Variants in SRSF6 observed in about 807,000 individuals in gnomAD.
SRSF6 encodes serine and arginine rich splicing factor 6.
Under a neutral mutation model 42.0 loss-of-function variants are expected in SRSF6, and 17 were observed. The observed-to-expected ratio is 0.40, with a 90% confidence interval of 0.28 to 0.61. SRSF6 has a LOEUF of 0.61. Among genes scored for constraint, SRSF6 ranks in the 20% least tolerant of loss-of-function variants. SRSF6 has a pLI of 0.37. For missense variants in SRSF6, 379 were observed against 471.4 expected, an observed-to-expected ratio of 0.80 and a Z score of 1.81; for synonymous variants, 204 against 166.7, an observed-to-expected ratio of 1.22 and a Z score of -1.72.
In SRSF6 at chr20:43,460,014, G is replaced by A. The variant is rs771943592; in HGVS notation, c.382-19G>A. ...TAGATGTTTTAAGATTTCCGAGTCTGACCAATCTTGTCTTTCAGGATTTTA... is the reference window on the plus strand; with the variant it reads ...TAGATGTTTTAAGATTTCCGAGTCTAACCAATCTTGTCTTTCAGGATTTTA... On this transcript the variant is annotated intron_variant, in intron 3 of 5. Transcript: ENST00000244020. The A allele has an allele frequency of 6.2e-7, 1 of 1,614,040 alleles. No homozygotes were observed. The highest frequency in any genetic ancestry group is 2.2e-5 in the East Asian group (1 of 44,888).
In SRSF6 at chr20:43,459,480, A is replaced by G. The variant is rs1201490937; in HGVS notation, c.257-291A>G. The G allele has an allele frequency of 1.1e-5, 14 of 1,274,920 alleles. No individual in the cohort carries two copies. The East Asian group carries it at 5.4e-4, about 49-fold the overall frequency. 79.0% of individuals were successfully genotyped at this position (1,274,920 alleles called of 1,614,324 possible). A position where few individuals can be genotyped will look rare whatever the true frequency, so the allele number is the denominator to read the frequency against. ...GTAAAATGTAGAAATGCATGTAATC[A>G]GTTAAGTTTTATATTTTACAATGTT... On this transcript the variant is annotated intron_variant, in intron 2 of 5. Transcript: ENST00000244020.
rs2017589449 is a variant in SRSF6, at chr20:43,461,337, G to GTTTGTTTTTTT, written c.*277_*278insGTTTTTTTTTT. 2.3e-5 allele frequency: 1 copy of GTTTGTTTTTTT among 43,828 alleles called. No homozygotes were observed. The highest frequency in any genetic ancestry group is 8.2e-5 in the African/African-American group (1 of 12,240). 2.7% of individuals were successfully genotyped at this position (43,828 alleles called of 1,614,324 possible). On this transcript the variant is annotated 3_prime_UTR_variant, in exon 6 of 6. Coordinates refer to ENST00000244020, the MANE Select transcript of SRSF6 (RefSeq NM_006275.6). Reference sequence around the variant, plus strand: ...GTAAAGATTAAGCTCATTTAGTGTTGTTTTTTTTTTTTTTTTTTTTTTTTT... The same window carrying GTTTGTTTTTTT: ...GTAAAGATTAAGCTCATTTAGTGTTGTTTGTTTTTTTTTTTTTTTTTTTTTTTTTTTTTTTT...
Position 43,460,511 on chromosome 20 carries a change from A to G in SRSF6, c.591-4A>G, listed in dbSNP as rs371448361. The G allele has an allele frequency of 2.7e-5, 44 of 1,612,596 alleles. No individual in the cohort carries two copies. Among genetic ancestry groups the G allele is most frequent in the Non-Finnish European group, 3.6e-5 (43 of 1,179,296 alleles). On this transcript the variant is annotated splice_polypyrimidine_tract_variant and splice_region_variant and intron_variant, in intron 4 of 5. Transcript: ENST00000244020. ...TTAAGACTTCATTGTTTTTCTCCTAATAGGTCTCGATCTAGAAGACGGTCA... is the reference window on the plus strand; with the variant it reads ...TTAAGACTTCATTGTTTTTCTCCTAGTAGGTCTCGATCTAGAAGACGGTCA...
Position 43,461,265 on chromosome 20 carries a change from A to G in SRSF6, c.*202A>G. ...TGAAGACCCTCTCCCTTCTTTGTAG[A>G]ATTAAGATAACTTTGATTTTATAGC... On this transcript the variant is annotated 3_prime_UTR_variant, in exon 6 of 6. Transcript: ENST00000244020. 1 of 493,946 alleles carries G rather than the reference A, an allele frequency of 2.0e-6. No individual in the cohort carries two copies. The highest frequency in any genetic ancestry group is 3.0e-6 in the Non-Finnish European group (1 of 331,922). The allele number at this position is 493,946 out of a possible 1,614,324, so 30.6% of individuals were successfully genotyped here. A position where few individuals can be genotyped will look rare whatever the true frequency, so the allele number is the denominator to read the frequency against.
intron 4 of SRSF6, 52 bp downstream of exon 4, chr20:43,460,293 G>A (rs1199809033): frequency 6.3e-7 from 1 of 1,581,022 alleles, no homozygotes; most frequent in Non-Finnish European, 8.7e-7. Context: ...CCAATAAAAA[G>A]GGAGTAATTG....
Position 43,460,254 on chromosome 20 carries a change from A to G in SRSF6, c.590+13A>G. On this transcript the variant is annotated intron_variant, in intron 4 of 5. Transcript: ENST00000244020. ...GAAGCAGATCCAGGTAACTTGTTGAAGGACACTGTGGGAAGGAAACAATAT... is the reference window on the plus strand; with the variant it reads ...GAAGCAGATCCAGGTAACTTGTTGAGGGACACTGTGGGAAGGAAACAATAT... 6.2e-7 allele frequency: 1 copy of G among 1,613,526 alleles called. No individual in the cohort carries two copies. Among genetic ancestry groups the G allele is most frequent in the East Asian group, 2.2e-5 (1 of 44,882 alleles).
intron 5 of SRSF6, 21 bp downstream of exon 5, chr20:43,460,619 T>G (rs1409692667): frequency 6.2e-7 from 1 of 1,613,892 alleles, no homozygotes; most frequent in East Asian, 2.2e-5. Context: ...TTGTGTTGAG[T>G]CACTGTGAAT....
Position 43,458,495 on chromosome 20 carries a change from G to T in SRSF6, c.242G>T (p.Ser81Ile), listed in dbSNP as rs1469623735. ...RGPRRDRDGY[S>I]YGSRSGGGGY... Reference sequence around the variant, plus strand: ...CCGCGTCGCGATCGCGACGGCTACAGCTACGGAAGCCGCAGTGAGTCCCAC... The same window carrying T: ...CCGCGTCGCGATCGCGACGGCTACATCTACGGAAGCCGCAGTGAGTCCCAC... The change falls in exon 2 of 6, where the codon AGC becomes ATC. Residue 81 changes from serine (S) to isoleucine (I), a missense_variant. Physicochemically the swap from Ser to Ile is moderately radical, Grantham distance 142. This residue lies in a region of SRSF6 where 117 missense variants were observed against 146.8 expected (regional missense o/e 0.80). Coordinates refer to ENST00000244020, the MANE Select transcript of SRSF6 (RefSeq NM_006275.6). 1 of 1,507,006 alleles carries T rather than the reference G, an allele frequency of 6.6e-7. No individual in the cohort carries two copies. Among genetic ancestry groups the T allele is most frequent in the Non-Finnish European group, 8.8e-7 (1 of 1,133,916 alleles). 93.4% of individuals were successfully genotyped at this position (1,507,006 alleles called of 1,614,324 possible).
At chr20:43,458,990 A>T (rs972477895) in intron 2 of SRSF6, among the ~76,000 whole-genome samples, 2 of 152,200 alleles carry the variant, frequency 1.3e-5, no homozygotes, top group Non-Finnish European at 2.9e-5. Context: ...GTATTGTACC[A>T]CAAAGTAGAT....
rs143094478 is a variant in SRSF6, at chr20:43,460,585, A to G, written c.661A>G (p.Lys221Glu). Residue 221 changes from lysine (K) to glutamate (E), a missense_variant, in exon 5 of 6, where the codon AAA becomes GAA. Around this residue, in one of 3 missense-constraint regions of SRSF6, gnomAD observed 219 missense variants for 216.1 expected, o/e 1.01. Coordinates refer to ENST00000244020, the MANE Select transcript of SRSF6 (RefSeq NM_006275.6). ...SSRSRSRSIS[K>E]SRSRSRSRSK... ...CCGCAGTAGATCTCGAAGTATCTCA[A>G]AAAGTCGCTCCCGGTAAATAACGTT... 6.2e-6 allele frequency: 10 copies of G among 1,614,042 alleles called. No individual in the cohort carries two copies. The highest frequency in any genetic ancestry group is 1.6e-4 in the Middle Eastern group (1 of 6,084).
chr20:43,461,334 G>GTTTTTTTTTTTTTTTTTTTT lies in SRSF6; in HGVS notation c.*273_*274insTTTTTTTTTTTTTTTTTTTT, dbSNP rs1196378267. The GTTTTTTTTTTTTTTTTTTTT allele has an allele frequency of 3.0e-4, 17 of 56,470 alleles. 4 individuals are homozygous for GTTTTTTTTTTTTTTTTTTTT. Among genetic ancestry groups the GTTTTTTTTTTTTTTTTTTTT allele is most frequent in the African/African-American group, 1.3e-3 (17 of 13,570 alleles). The allele number at this position is 56,470 out of a possible 1,614,324, so 3.5% of individuals were successfully genotyped here. Reference sequence around the variant, plus strand: ...TTTGTAAAGATTAAGCTCATTTAGTGTTGTTTTTTTTTTTTTTTTTTTTTT... The same window carrying GTTTTTTTTTTTTTTTTTTTT: ...TTTGTAAAGATTAAGCTCATTTAGTGTTTTTTTTTTTTTTTTTTTTTTGTTTTTTTTTTTTTTTTTTTTTT... On this transcript the variant is annotated 3_prime_UTR_variant, in exon 6 of 6. Transcript: ENST00000244020.
At position 43,457,897 on chromosome 20, in the gene SRSF6, T is replaced by G; in HGVS notation, c.-137T>G. On this transcript the variant is annotated 5_prime_UTR_variant, in exon 1 of 6. Transcript: ENST00000244020. ...GAAAGCCTGGCGCGCGCGCGCGCCATTGTGTGGCTGGACTCGGCCGCCCCT... is the reference window on the plus strand; with the variant it reads ...GAAAGCCTGGCGCGCGCGCGCGCCAGTGTGTGGCTGGACTCGGCCGCCCCT... The G allele has an allele frequency of 1.3e-4, 81 of 606,624 alleles. No individual in the cohort carries two copies. The highest frequency in any genetic ancestry group is 2.0e-4 in the East Asian group (6 of 30,320). 37.6% of individuals were successfully genotyped at this position (606,624 alleles called of 1,614,324 possible).
chr20:43,459,200 T>C (rs2017547225), intron 2 of SRSF6: 4 of 1,352,062 alleles, frequency 3.0e-6, no homozygotes, highest in African/African-American at 1.5e-5. Flanking sequence ...GATGACTGCC[T>C]TTCCTGATTG....
Position 43,463,736 on chromosome 20 carries a change from C to T in SRSF6, c.*2673C>T, listed in dbSNP as rs1262346780. The T allele has an allele frequency of 6.6e-6, 1 of 152,068 alleles. No individual in the cohort carries two copies. Among genetic ancestry groups the T allele is most frequent in the Non-Finnish European group, 1.5e-5 (1 of 68,024 alleles). The allele number at this position is 152,068 out of a possible 1,614,324, so 9.4% of individuals were successfully genotyped here. On this transcript the variant is annotated 3_prime_UTR_variant, in exon 6 of 6. Coordinates refer to ENST00000244020, the MANE Select transcript of SRSF6 (RefSeq NM_006275.6). ...AGAACAGGATCTTGTGTTCACTTAC[C>T]CAGAAACGTGAGTTTGGGATTTAGT... is the stretch of plus-strand genomic sequence containing the variant.
intron 1 of SRSF6, 78 bp downstream of exon 1, chr20:43,458,218 A>G (rs1181022044): frequency 1.3e-5 from 19 of 1,486,774 alleles, no homozygotes; most frequent in Admixed American, 2.4e-5. Flanking sequence ...AGAAGCGGCC[A>G]AGGCCGCGGC....
At chr20:43,459,986 A>G (rs1251278218) in intron 3 of SRSF6, 47 bp from the exon 4 acceptor site, 3 of 1,612,650 alleles carry the variant, frequency 1.9e-6, no homozygotes, top group Non-Finnish European at 2.5e-6. Context: ...TTATTATGGT[A>G]TATAGATGTT....
rs764651192 is a variant in SRSF6, at chr20:43,460,891, A to G, written c.863A>G (p.Asp288Gly). The G allele has an allele frequency of 1.2e-6, 2 of 1,614,140 alleles. No individual in the cohort carries two copies. Among genetic ancestry groups the G allele is most frequent in the South Asian group, 1.1e-5 (1 of 91,084 alleles). Residue 288 changes from aspartate (D) to glycine (G), a missense_variant, in exon 6 of 6, where the codon GAT (aspartate) becomes GGT (glycine). Coordinates refer to ENST00000244020, the MANE Select transcript of SRSF6 (RefSeq NM_006275.6). Reference protein sequence around the residue: ...SRSPKENGKGDIKSKSRSRSQ... With the variant: ...SRSPKENGKGGIKSKSRSRSQ... Reference sequence around the variant, plus strand: ...TCCCCTAAAGAAAATGGAAAGGGTGATATAAAGTCAAAATCCAGATCAAGG... The same window carrying G: ...TCCCCTAAAGAAAATGGAAAGGGTGGTATAAAGTCAAAATCCAGATCAAGG...
In SRSF6 at chr20:43,463,847, G is replaced by A. The variant is rs1290807923; in HGVS notation, c.*2784G>A. 6.6e-6 allele frequency: 1 copy of A among 152,206 alleles called. No individual in the cohort carries two copies. Among genetic ancestry groups the A allele is most frequent in the Non-Finnish European group, 1.5e-5 (1 of 68,040 alleles). The allele number at this position is 152,206 out of a possible 1,614,324, so 9.4% of individuals were successfully genotyped here. The stretch of plus-strand genomic sequence containing the variant: ...GGATAAAACATGCATGGGATGTGAA[G>A]ATTAAAAGTCAAGAATATGAACAGT... On this transcript the variant is annotated 3_prime_UTR_variant, in exon 6 of 6. Transcript: ENST00000244020.
At position 43,460,018 on chromosome 20, in the gene SRSF6, A is replaced by G. The variant is rs117222808; in HGVS notation, c.382-15A>G. 6.2e-7 allele frequency: 1 copy of G among 1,614,162 alleles called. No individual in the cohort carries two copies. Among genetic ancestry groups the G allele is most frequent in the Non-Finnish European group, 8.5e-7 (1 of 1,179,982 alleles). On this transcript the variant is annotated splice_polypyrimidine_tract_variant and intron_variant, in intron 3 of 5. Coordinates refer to ENST00000244020, the MANE Select transcript of SRSF6 (RefSeq NM_006275.6). Reference sequence around the variant, plus strand: ...TGTTTTAAGATTTCCGAGTCTGACCAATCTTGTCTTTCAGGATTTTATGCG... The same window carrying G: ...TGTTTTAAGATTTCCGAGTCTGACCGATCTTGTCTTTCAGGATTTTATGCG...
Sources: gnomAD v4.1 joint callset for allele counts (sites outside exome capture counted in the v4.1 genomes callset) on GRCh38, gnomAD v4.1.1 for gene constraint, gnomAD v4.1.1 regional missense constraint, MANE v1.5 for transcripts, NCBI Gene and HGNC (gene_info 2026-07-23, HGNC 2026-07-21) for gene names.